Variants in NADK2 observed in about 807,000 individuals in gnomAD.
NADK2 encodes NAD kinase domain-containing protein 1, mitochondrial.
A neutral mutation model predicts 62.1 loss-of-function variants in NADK2; 35 were observed. The ratio of observed to expected loss-of-function variants is 0.56; its 90% CI spans 0.43 to 0.75. NADK2 has a LOEUF of 0.75. Ranked by LOEUF, NADK2 falls within the 30% of genes least tolerant of loss-of-function variation. The pLI, the probability that NADK2 is intolerant of heterozygous loss-of-function variation, is 0.00. For missense variants in NADK2, 439 were observed against 561.3 expected (o/e 0.78, Z 2.20); for synonymous variants, 205 against 207.9 (o/e 0.99, Z 0.12).
chr5:36,208,175 T>TTATTC (rs1488065295), intron 7 of NADK2, among the ~76,000 whole-genome samples: 1 of 152,170 alleles, frequency 6.6e-6, no homozygotes, highest in East Asian at 1.9e-4. Context: ...TATTCTAACC[T>TTATTC]TTACAGTTTA....
intron 1 of NADK2, among the ~76,000 whole-genome samples, chr5:36,232,947 T>C (rs1747758869): frequency 1.3e-5 from 2 of 152,172 alleles, no homozygotes; most frequent in South Asian, 4.1e-4. Context: ...CAAAACTTGA[T>C]TATATACTCC....
At position 36,241,346 on chromosome 5, in the gene NADK2, G is replaced by C. The variant is rs917229054; in HGVS notation, c.300+153C>G. On this transcript the variant is annotated intron_variant, in intron 1 of 11. Transcript: ENST00000381937. The surrounding 1 kb of genome is among the most constrained non-coding windows in gnomAD (Gnocchi z 4.9). ...CCCAAAGGCAAAGGAGGCCCAGGGAGAAGCCAGAGGACCTGGGGGCCGCGA... is the reference window on the plus strand; with the variant it reads ...CCCAAAGGCAAAGGAGGCCCAGGGACAAGCCAGAGGACCTGGGGGCCGCGA... 1.5e-6 allele frequency: 2 copies of C among 1,314,156 alleles called. No individual in the cohort carries two copies. The highest frequency in any genetic ancestry group is 9.8e-7 in the Non-Finnish European group (1 of 1,024,872). The allele number at this position is 1,314,156 out of a possible 1,614,324, so 81.4% of individuals were successfully genotyped here. A position where few individuals can be genotyped will look rare whatever the true frequency, so the allele number is the denominator to read the frequency against.
At chr5:36,216,281 ATTTG>A (rs935603109) in intron 6 of NADK2, among the ~76,000 whole-genome samples, 5 of 148,388 alleles carry the variant, frequency 3.4e-5, no homozygotes, top group African/African-American at 1.2e-4. Flanking sequence ...TAATGAGATT[ATTTG>A]TTTGTTTGTT....
At chr5:36,219,771 A>G in intron 4 of NADK2, 92 bp from the exon 5 acceptor site, 3 of 884,708 alleles carry the variant, frequency 3.4e-6, no homozygotes, top group Non-Finnish European at 5.3e-6. Flanking sequence ...ACTAAGCTAT[A>G]AAAATAAGAA....
chr5:36,215,543 T>C (rs578132763), intron 6 of NADK2, among the ~76,000 whole-genome samples: 1 of 152,290 alleles, frequency 6.6e-6, no homozygotes, highest in African/African-American at 2.4e-5. Flanking sequence ...ACGTTAGAAC[T>C]TATTCCTTCC....
chr5:36,215,463 C>T (rs1747008072), intron 6 of NADK2, among the ~76,000 whole-genome samples: 6 of 152,128 alleles, frequency 3.9e-5, no homozygotes, highest in African/African-American at 1.4e-4. Context: ...TCTCTTCCAG[C>T]TATTTTGAAA....
chr5:36,218,447 A>T (rs375738555), intron 5 of NADK2, among the ~76,000 whole-genome samples: 3 of 152,378 alleles, frequency 2.0e-5, no homozygotes, highest in African/African-American at 7.2e-5. Flanking sequence ...TAATCAATGT[A>T]TCGAAAGTCA....
At chr5:36,203,308 T>C (rs1746514136) in intron 8 of NADK2, among the ~76,000 whole-genome samples, 1 of 152,120 alleles carries the variant, frequency 6.6e-6, no homozygotes, top group Non-Finnish European at 1.5e-5. Flanking sequence ...ACAAAAATTA[T>C]TAATGTATAG....
intron 1 of NADK2, among the ~76,000 whole-genome samples, chr5:36,230,762 G>A (rs1347246394): frequency 6.8e-6 from 1 of 147,608 alleles, no homozygotes; most frequent in Admixed American, 6.9e-5. Context: ...CACTTTAGGC[G>A]TGAACACTTT....
intron 1 of NADK2, among the ~76,000 whole-genome samples, chr5:36,236,563 A>G (rs1012732281): frequency 6.6e-6 from 1 of 152,212 alleles, no homozygotes; most frequent in African/African-American, 2.4e-5. Flanking sequence ...ACAGCTGGTA[A>G]TAAGGCCCTG....
chr5:36,198,128 T>A (rs1201153209), intron 10 of NADK2, among the ~76,000 whole-genome samples: 1 of 151,934 alleles, frequency 6.6e-6, no homozygotes, highest in Non-Finnish European at 1.5e-5. Context: ...ATATCCTTTC[T>A]CCAATACACC....
At chr5:36,240,642 T>TG (rs200225466) in intron 1 of NADK2, among the ~76,000 whole-genome samples, 118 of 151,782 alleles carry the variant, frequency 7.8e-4, no homozygotes, top group Non-Finnish European at 1.1e-3. Flanking sequence ...TTAAAGTTGG[T>TG]GGGGGGGGAT....
chr5:36,216,320 A>C (rs1430711832), intron 6 of NADK2, among the ~76,000 whole-genome samples: 1 of 151,996 alleles, frequency 6.6e-6, no homozygotes, highest in Non-Finnish European at 1.5e-5. Context: ...TATATTGTGG[A>C]TATTAGTCCC....
At chr5:36,204,212 A>G (rs1187780541) in intron 8 of NADK2, among the ~76,000 whole-genome samples, 1 of 152,186 alleles carries the variant, frequency 6.6e-6, no homozygotes, top group Non-Finnish European at 1.5e-5. Flanking sequence ...AGCTTGTATT[A>G]CAATGCATAA....
intron 1 of NADK2, among the ~76,000 whole-genome samples, chr5:36,236,950 G>A (rs1319498974): frequency 1.3e-5 from 2 of 149,424 alleles, no homozygotes; most frequent in African/African-American, 4.9e-5. Flanking sequence ...TAGACACATA[G>A]ACACTGAGAG....
rs952755814 is a variant in NADK2, at chr5:36,212,013, A to G, written c.782-91T>C. 1.2e-5 allele frequency: 12 copies of G among 969,722 alleles called. No homozygotes were observed. In the African/African-American group the frequency reaches 2.0e-4, roughly 16 times the overall value. 60.1% of individuals were successfully genotyped at this position (969,722 alleles called of 1,614,324 possible). Reference sequence around the variant, plus strand: ...TTTTATAAAACACTACAACTTTTATATTTTTGTTTTTAAAAGAATCACATA... The same window carrying G: ...TTTTATAAAACACTACAACTTTTATGTTTTTGTTTTTAAAAGAATCACATA... On this transcript the variant is annotated intron_variant, in intron 6 of 11. Transcript: ENST00000381937.
chr5:36,242,219 G>A (rs1748172382), upstream of NADK2: 1 of 152,432 alleles, frequency 6.6e-6, no homozygotes, highest in South Asian at 2.1e-4. Flanking sequence ...GGCGGCTCCG[G>A]ATCCGAGGGG....
In NADK2 at chr5:36,241,826, G is replaced by A; in HGVS notation, c.-28C>T. ...TGGGCCGGGCCGCGGCCGCGGGCTT[G>A]GGCTCGGGCCCCTTGCCTCAGCTCC... On this transcript the variant is annotated 5_prime_UTR_variant, in exon 1 of 12. Transcript: ENST00000381937. The surrounding 1 kb of genome is among the most constrained non-coding windows in gnomAD (Gnocchi z 4.9). 1.6e-6 allele frequency: 2 copies of A among 1,278,100 alleles called. No homozygotes were observed. The highest frequency in any genetic ancestry group is 9.9e-7 in the Non-Finnish European group (1 of 1,013,042). The allele number at this position is 1,278,100 out of a possible 1,614,324, so 79.2% of individuals were successfully genotyped here.
At position 36,241,800 on chromosome 5, in the gene NADK2, G is replaced by C. The variant is rs1196044375; in HGVS notation, c.-2C>G. On this transcript the variant is annotated 5_prime_UTR_variant, in exon 1 of 12. Coordinates refer to ENST00000381937, the MANE Select transcript of NADK2 (RefSeq NM_001085411.3). The surrounding 1 kb of genome is among the most constrained non-coding windows in gnomAD (Gnocchi z 4.9). ...CAAGAAGCCTCGGTAGCAAGTCATC[G>C]TGGGCCGGGCCGCGGCCGCGGGCTT... The C allele has an allele frequency of 3.0e-6, 4 of 1,321,896 alleles. No individual in the cohort carries two copies. Among genetic ancestry groups the C allele is most frequent in the Non-Finnish European group, 3.9e-6 (4 of 1,034,704 alleles). The allele number at this position is 1,321,896 out of a possible 1,614,324, so 81.9% of individuals were successfully genotyped here. A position where few individuals can be genotyped will look rare whatever the true frequency, so the allele number is the denominator to read the frequency against.
Sources: gnomAD v4.1 joint callset for allele counts (sites outside exome capture counted in the v4.1 genomes callset) on GRCh38, gnomAD v4.1.1 for gene constraint, Gnocchi (gnomAD v3.1) non-coding constraint, MANE v1.5 for transcripts, NCBI Gene and HGNC (gene_info 2026-07-23, HGNC 2026-07-21) for gene names.